The following LINGO2 variants were observed in gnomAD, a reference collection of about 807,000 sequenced individuals.
The protein encoded by LINGO2 is leucine-rich repeat and immunoglobulin-like domain-containing nogo receptor-interacting protein 2.
Under a neutral mutation model 30.6 loss-of-function variants are expected in LINGO2, and 14 were observed. The ratio of observed to expected loss-of-function variants is 0.46; its 90% CI spans 0.30 to 0.72. The LOEUF is 0.72. Among genes scored for constraint, LINGO2 ranks in the 30% least tolerant of loss-of-function variants. LINGO2 has a pLI of 0.07. For synonymous variants in LINGO2, 317 were observed against 288.5 expected (o/e 1.10, Z -1.00); for missense variants, 729 against 751.7 (o/e 0.97, Z 0.35).
chr9:28,385,064 G>C (rs972502194), intron 2 of LINGO2, among the ~76,000 whole-genome samples: 2 of 152,032 alleles, frequency 1.3e-5, no homozygotes, highest in African/African-American at 2.4e-5. Context: ...GATGTACTAA[G>C]CTAGACACTG....
chr9:28,193,825 G>A (rs950049625), intron 4 of LINGO2, among the ~76,000 whole-genome samples: 3 of 152,196 alleles, frequency 2.0e-5, no homozygotes, highest in Non-Finnish European at 4.4e-5. Flanking sequence ...AGAGACTGGA[G>A]TAACTAGGAG....
intron 4 of LINGO2, among the ~76,000 whole-genome samples, chr9:28,207,068 G>A (rs1820433255): frequency 1.3e-5 from 2 of 152,062 alleles, no homozygotes; most frequent in Non-Finnish European, 2.9e-5. Flanking sequence ...ACCTTCACAA[G>A]TTAAATGTTT....
intron 4 of LINGO2, among the ~76,000 whole-genome samples, chr9:28,291,461 A>G (rs1187696436): frequency 6.6e-6 from 1 of 152,200 alleles, no homozygotes; most frequent in African/African-American, 2.4e-5. Context: ...GGATAATGCA[A>G]TGAACAAAAT....
chr9:28,571,503 A>G (rs557668811), intron 1 of LINGO2, among the ~76,000 whole-genome samples: 101 of 152,184 alleles, frequency 6.6e-4, no homozygotes, highest in Non-Finnish European at 1.5e-4. Context: ...TCTCTAATTC[A>G]TAAAACAATC....
At chr9:28,364,246 GACTAGAAATAATT>G (rs1281924821) in intron 3 of LINGO2, among the ~76,000 whole-genome samples, 1 of 152,126 alleles carries the variant, frequency 6.6e-6, no homozygotes, top group African/African-American at 2.4e-5. Flanking sequence ...GTGATTGATT[GACTAGAAATAATT>G]CAACATTCTT....
chr9:28,105,846 A>G (rs759954447), intron 4 of LINGO2, among the ~76,000 whole-genome samples: 1 of 152,106 alleles, frequency 6.6e-6, no homozygotes, highest in Non-Finnish European at 1.5e-5. Flanking sequence ...CAAATTGACC[A>G]GAAACTTGAT....
the LINGO2 span, chr9:27,937,806 G>A: frequency 2.6e-5 from 4 of 151,852 alleles, no homozygotes; most frequent in South Asian, 4.2e-4. Flanking sequence ...TAAACAATAC[G>A]GCAATTAAAA....
chr9:28,199,406 T>C (rs1820143435), intron 4 of LINGO2, among the ~76,000 whole-genome samples: 1 of 148,628 alleles, frequency 6.7e-6, no homozygotes, highest in East Asian at 1.9e-4. Flanking sequence ...TGGCGCGATC[T>C]TGGCTCACTG....
At chr9:29,055,487 A>G in the LINGO2 span, among the ~76,000 whole-genome samples, 1 of 152,158 alleles carries the variant, frequency 6.6e-6, no homozygotes, top group Non-Finnish European at 1.5e-5. Context: ...CATTTTGGCT[A>G]TTGTAAATAA....
intron 2 of LINGO2, among the ~76,000 whole-genome samples, chr9:28,400,352 A>G (rs1018823036): frequency 6.6e-6 from 1 of 152,168 alleles, no homozygotes; most frequent in African/African-American, 2.4e-5. Flanking sequence ...GTGAGAGTCA[A>G]TTATGAACAC....
At chr9:29,121,846 G>T in the LINGO2 span, among the ~76,000 whole-genome samples, 1 of 151,928 alleles carries the variant, frequency 6.6e-6, no homozygotes, top group Non-Finnish European at 1.5e-5. Context: ...GGAAACATTC[G>T]GGATCTCTGC....
At chr9:29,092,769 A>G in the LINGO2 span, among the ~76,000 whole-genome samples, 6 of 137,282 alleles carry the variant, frequency 4.4e-5, 2 homozygotes, top group Non-Finnish European at 7.9e-5. Flanking sequence ...GGGATATTTA[A>G]TAGTGGCACA....
intron 4 of LINGO2, among the ~76,000 whole-genome samples, chr9:28,103,338 C>A (rs895344750): frequency 9.2e-5 from 14 of 152,136 alleles, no homozygotes; most frequent in Admixed American, 3.3e-4. Flanking sequence ...GAGGTGGAAT[C>A]TATTTCTCCA....
the LINGO2 span, among the ~76,000 whole-genome samples, chr9:29,020,141 C>T: frequency 6.6e-6 from 1 of 152,126 alleles, no homozygotes; most frequent in African/African-American, 2.4e-5. Context: ...AGGTAAAACA[C>T]TGAAATGGCT....
the LINGO2 span, among the ~76,000 whole-genome samples, chr9:28,929,325 G>A: frequency 6.6e-6 from 1 of 152,178 alleles, no homozygotes; most frequent in African/African-American, 2.4e-5. Flanking sequence ...AATTAAAAGT[G>A]TTTGCTAATG....
chr9:29,012,175 T>C, the LINGO2 span, among the ~76,000 whole-genome samples: 1 of 152,050 alleles, frequency 6.6e-6, no homozygotes, highest in Non-Finnish European at 1.5e-5. Flanking sequence ...CTGGCCAACA[T>C]GCTGAAACCA....
At chr9:28,924,659 A>C in the LINGO2 span, among the ~76,000 whole-genome samples, 3 of 152,244 alleles carry the variant, frequency 2.0e-5, no homozygotes, top group Non-Finnish European at 4.4e-5. Context: ...AATGACAATC[A>C]ACACATGTTA....
intron 4 of LINGO2, among the ~76,000 whole-genome samples, chr9:28,228,024 G>A: frequency 6.6e-6 from 1 of 151,984 alleles, no homozygotes; most frequent in Non-Finnish European, 1.5e-5. Flanking sequence ...TAGATCATCA[G>A]ATCGATAGAT....
chr9:28,243,553 C>T (rs1033923056), intron 4 of LINGO2, among the ~76,000 whole-genome samples: 9 of 151,336 alleles, frequency 5.9e-5, no homozygotes, highest in Non-Finnish European at 1.0e-4. Context: ...ACCCATCTCA[C>T]GTGCAAAGAT....
Sources: allele counts gnomAD v4.1 joint callset (sites outside exome capture counted in the v4.1 genomes callset), GRCh38; gene constraint gnomAD v4.1.1; transcripts MANE v1.5; gene names NCBI Gene and HGNC (gene_info 2026-07-23, HGNC 2026-07-21).